ANGPT2: variants seen among roughly 807,000 people sequenced by gnomAD.
ANGPT2 encodes the protein angiopoietin 2, also known as angiopoietin-2.
In ANGPT2, 28 loss-of-function variants were observed where a neutral mutation model predicts 62.9. The observed-to-expected ratio is 0.44, with a 90% CI of 0.33 to 0.61. The LOEUF is 0.61. ANGPT2 is among the 20% of genes least tolerant of loss of function. ANGPT2 has a pLI of 0.03. For synonymous variants in ANGPT2, 284 were observed against 207.8 expected (o/e 1.37, Z -3.15); for missense variants, 727 against 594.9 (o/e 1.22, Z -2.31).
At position 6,499,930 on chromosome 8, in the gene ANGPT2, G is replaced by A. The variant is rs772838513; in HGVS notation, c.*3171C>T. ...GTCTCACCACTTCCCTGCAGCTCCC[G>A]TAAGTCAGATGTTGTTTTACGATGG... On this transcript the variant is annotated 3_prime_UTR_variant, in exon 9 of 9. Transcript: ENST00000629816. The A allele has an allele frequency of 1.9e-5, 30 of 1,612,942 alleles. No individual in the cohort carries two copies. The East Asian group carries it at 2.7e-4, about 14-fold the overall frequency.
chr8:6,545,258 C>T (rs184030263), intron 1 of ANGPT2, among the ~76,000 whole-genome samples: 226 of 152,250 alleles, frequency 1.5e-3, no homozygotes, highest in Admixed American at 3.3e-3. Context: ...ATCTTGACCT[C>T]GGTGCTGGTT....
intron 7 of ANGPT2, among the ~76,000 whole-genome samples, chr8:6,512,851 T>C (rs1021946215): frequency 6.6e-6 from 1 of 152,246 alleles, no homozygotes; most frequent in African/African-American, 2.4e-5. Flanking sequence ...GAATCTGATG[T>C]ATTTCCTGTA....
chr8:6,555,908 C>A (rs146298847), intron 1 of ANGPT2, among the ~76,000 whole-genome samples: 1 of 152,168 alleles, frequency 6.6e-6, no homozygotes, highest in Non-Finnish European at 1.5e-5. Flanking sequence ...GTTTTCCTAG[C>A]AGCTTCAGCA....
chr8:6,519,887 G>T lies in ANGPT2; in HGVS notation c.904C>A (p.Pro302Thr), dbSNP rs760595816. The change falls in exon 5 of 9, where the codon CCT becomes ACT. Residue 302 changes from proline (P) to threonine (T), a missense_variant. Physicochemically the swap from Pro to Thr is conservative, Grantham distance 38. Coordinates refer to ENST00000629816, the MANE Select transcript of ANGPT2 (RefSeq NM_001118887.2). ...TTNGIYTLTFPNSTEEIKAYC... is the reference protein window; with the variant it reads ...TTNGIYTLTFTNSTEEIKAYC... ...ACCTTGATCTCTTCTGTAGAATTAG[G>T]GAATGTTAACGTGTAGATGCCATTC... 6.2e-7 allele frequency: 1 copy of T among 1,613,868 alleles called. No homozygotes were observed. The highest frequency in any genetic ancestry group is 1.3e-5 in the African/African-American group (1 of 74,902).
At position 6,520,005 on chromosome 8, in the gene ANGPT2, A is replaced by C; in HGVS notation, c.800-14T>G. ...TGGGGTCCTTAGCTGCTTTTAAAAA[A>C]TAGTAAGGCATTTAAACGGAGTTCA... On this transcript the variant is annotated splice_polypyrimidine_tract_variant and intron_variant, in intron 4 of 8. Coordinates refer to ENST00000629816, the MANE Select transcript of ANGPT2 (RefSeq NM_001118887.2). The C allele has an allele frequency of 6.2e-7, 1 of 1,612,640 alleles. No individual in the cohort carries two copies. Among genetic ancestry groups the C allele is most frequent in the Non-Finnish European group, 8.5e-7 (1 of 1,179,388 alleles).
At chr8:6,548,625 G>T (rs75551648) in intron 1 of ANGPT2, among the ~76,000 whole-genome samples, 3,147 of 152,274 alleles carry the variant, frequency 0.021, 108 homozygotes, top group African/African-American at 0.073. Context: ...TGTAATGATG[G>T]CCGTAAGTCA....
intron 1 of ANGPT2, among the ~76,000 whole-genome samples, chr8:6,561,031 A>AC (rs1490296644): frequency 6.6e-6 from 1 of 152,212 alleles, no homozygotes; most frequent in African/African-American, 2.4e-5. Flanking sequence ...GAAAGCCATT[A>AC]ACCATCAGCT....
intron 1 of ANGPT2, among the ~76,000 whole-genome samples, chr8:6,539,417 G>C (rs1209863091): frequency 6.6e-6 from 1 of 152,148 alleles, no homozygotes; most frequent in Non-Finnish European, 1.5e-5. Flanking sequence ...AGGGAGGGAA[G>C]CCTGGCCTCT....
intron 7 of ANGPT2, among the ~76,000 whole-genome samples, chr8:6,511,887 A>G (rs965687268): frequency 6.8e-6 from 1 of 145,998 alleles, no homozygotes; most frequent in African/African-American, 2.5e-5. Context: ...CTAATCCTTA[A>G]TTTTTGTGCT....
chr8:6,508,865 G>C, intron 8 of ANGPT2, 67 bp downstream of exon 8: 1 of 1,604,434 alleles, frequency 6.2e-7, no homozygotes, highest in Non-Finnish European at 8.5e-7. Context: ...AGTCCAAATT[G>C]CCAGCCTTTC....
chr8:6,517,709 G>T (rs761751216), intron 5 of ANGPT2, among the ~76,000 whole-genome samples: 7 of 152,190 alleles, frequency 4.6e-5, no homozygotes, highest in Non-Finnish European at 1.0e-4. Flanking sequence ...CCAAGGCTGA[G>T]GGTATCATTG....
chr8:6,546,788 A>G (rs1822656317), intron 1 of ANGPT2, among the ~76,000 whole-genome samples: 2 of 152,160 alleles, frequency 1.3e-5, no homozygotes, highest in Admixed American at 1.3e-4. Flanking sequence ...CCTTCCCCCA[A>G]TCCAAGTATT....
chr8:6,506,329 C>T (rs1057408394), intron 8 of ANGPT2, among the ~76,000 whole-genome samples: 1 of 152,016 alleles, frequency 6.6e-6, no homozygotes, highest in African/African-American at 2.4e-5. Context: ...GGAATTTGAC[C>T]TCTTCACAGG....
intron 1 of ANGPT2, among the ~76,000 whole-genome samples, chr8:6,549,321 A>C (rs1035966098): frequency 3.3e-5 from 5 of 152,272 alleles, no homozygotes; most frequent in Non-Finnish European, 5.9e-5. Flanking sequence ...TGGATCCATC[A>C]CAGAAATAAT....
At chr8:6,528,573 G>A (rs990079538) in intron 2 of ANGPT2, among the ~76,000 whole-genome samples, 5 of 152,204 alleles carry the variant, frequency 3.3e-5, no homozygotes, top group African/African-American at 1.2e-4. Flanking sequence ...AGTGTGAAGC[G>A]GAGCCTCAGC....
At chr8:6,532,521 G>C in intron 1 of ANGPT2, 34 bp from the exon 2 acceptor site, 1 of 1,516,394 alleles carries the variant, frequency 6.6e-7, no homozygotes. Flanking sequence ...GCAGTCATTA[G>C]TCAAATGACC....
intron 1 of ANGPT2, among the ~76,000 whole-genome samples, chr8:6,546,928 A>G (rs1413789653): frequency 6.6e-6 from 1 of 152,238 alleles, no homozygotes; most frequent in African/African-American, 2.4e-5. Flanking sequence ...TGAAATCACT[A>G]GGAAAAACAG....
chr8:6,551,499 A>C (rs28589441), intron 1 of ANGPT2, among the ~76,000 whole-genome samples: 4,940 of 152,248 alleles, frequency 0.032, 185 homozygotes, highest in African/African-American at 0.087. Context: ...AATATGCAAA[A>C]TTTCACATCA....
chr8:6,499,997 A>C lies in ANGPT2; in HGVS notation c.*3104T>G. ...TTCTCAAGAAATTATTATAAACATAAGGGTGGACTTAAGTTTTTATCCAGT... is the reference window on the plus strand; with the variant it reads ...TTCTCAAGAAATTATTATAAACATACGGGTGGACTTAAGTTTTTATCCAGT... On this transcript the variant is annotated 3_prime_UTR_variant, in exon 9 of 9. Transcript: ENST00000629816. 7.3e-7 allele frequency: 1 copy of C among 1,371,160 alleles called. No homozygotes were observed. The highest frequency in any genetic ancestry group is 1.0e-6 in the Non-Finnish European group (1 of 960,022). 84.9% of individuals were successfully genotyped at this position (1,371,160 alleles called of 1,614,324 possible).
Sources: allele counts gnomAD v4.1 joint callset (sites outside exome capture counted in the v4.1 genomes callset), GRCh38; gene constraint gnomAD v4.1.1; transcripts MANE v1.5; gene names NCBI Gene and HGNC (gene_info 2026-07-23, HGNC 2026-07-21).